CSMD3: variants seen among roughly 807,000 people sequenced by gnomAD.
CSMD3 encodes CUB and Sushi multiple domains 3, also known as CUB and sushi domain-containing protein 3.
Under a neutral mutation model 435.2 loss-of-function variants are expected in CSMD3, and 177 were observed. The ratio of observed to expected loss-of-function variants is 0.41; its 90% CI spans 0.36 to 0.46. The LOEUF is 0.46. Ranked by LOEUF, CSMD3 falls within the 20% of genes least tolerant of loss-of-function variation. The probability of loss-of-function intolerance (pLI) is 0.34; values close to 1 mark genes in which losing one functional copy is unlikely to be tolerated. For synonymous variants in CSMD3, 1,656 were observed against 1,520.5 expected, an observed-to-expected ratio of 1.09 and a Z score of -2.07; for missense variants, 4,265 against 4,504.6, an observed-to-expected ratio of 0.95 and a Z score of 1.52.
In CSMD3 at chr8:113,139,116, C is replaced by G. The variant is rs114110462; in HGVS notation, c.709+34606G>C. Among the ~76,000 whole-genome samples, 721 of 150,660 alleles carry G rather than the reference C, an allele frequency of 4.8e-3. 7 individuals are homozygous for G. Among genetic ancestry groups the G allele is most frequent in the African/African-American group, 0.016 (674 of 41,334 alleles). ...AACAAAAAAAATCACACAATCTGAA[C>G]AGAGAAATAACTAGACTGAAATACA... On this transcript the variant is annotated intron_variant, in intron 4 of 70. Coordinates refer to ENST00000297405, the MANE Select transcript of CSMD3 (RefSeq NM_198123.2).
At chr8:112,388,558 A>G (rs2129679943) in intron 36 of CSMD3, among the ~76,000 whole-genome samples, 1 of 152,254 alleles carries the variant, frequency 6.6e-6, no homozygotes, top group African/African-American at 2.4e-5. Context: ...GAGAAAGAGA[A>G]CACTGAGAAA....
At chr8:113,399,019 G>A (rs113961800) in intron 1 of CSMD3, among the ~76,000 whole-genome samples, 11 of 144,750 alleles carry the variant, frequency 7.6e-5, no homozygotes, top group African/African-American at 2.8e-4. Context: ...AAAGGAGGAA[G>A]TTTTGCATCA....
At chr8:112,973,751 T>G (rs1029347543) in intron 7 of CSMD3, among the ~76,000 whole-genome samples, 2 of 151,804 alleles carry the variant, frequency 1.3e-5, no homozygotes, top group Non-Finnish European at 3.0e-5. Flanking sequence ...TTTTTGCCCA[T>G]AATATTAAGA....
intron 60 of CSMD3, 58 bp from the exon 61 acceptor site, chr8:112,263,870 A>T: frequency 2.8e-6 from 4 of 1,406,462 alleles, no homozygotes; most frequent in Non-Finnish European, 4.0e-6. Context: ...AGCCTTAAAG[A>T]TATAAATAAA....
intron 10 of CSMD3, among the ~76,000 whole-genome samples, chr8:112,915,697 T>G (rs2082552511): frequency 6.6e-6 from 1 of 151,864 alleles, no homozygotes; most frequent in Non-Finnish European, 1.5e-5. Flanking sequence ...AGAATCTAAA[T>G]TACTTTGAAG....
chr8:112,440,601 AC>A (rs1423185624), intron 32 of CSMD3, among the ~76,000 whole-genome samples: 1 of 152,054 alleles, frequency 6.6e-6, no homozygotes, highest in Non-Finnish European at 1.5e-5. Context: ...AGAGGGCTCC[AC>A]CCCTGCAGCA....
intron 10 of CSMD3, among the ~76,000 whole-genome samples, chr8:112,894,090 T>C (rs1430685702): frequency 6.6e-6 from 1 of 151,478 alleles, no homozygotes; most frequent in Non-Finnish European, 1.5e-5. Flanking sequence ...AAAGGGTTTC[T>C]GTAATATCAA....
intron 22 of CSMD3, among the ~76,000 whole-genome samples, chr8:112,628,189 T>C (rs1322898986): frequency 6.6e-6 from 1 of 152,184 alleles, no homozygotes; most frequent in Non-Finnish European, 1.5e-5. Context: ...TTTTAACTCA[T>C]TGAAAAAGTT....
chr8:113,079,290 A>C (rs1588029101), intron 5 of CSMD3, among the ~76,000 whole-genome samples: 1 of 152,286 alleles, frequency 6.6e-6, no homozygotes, highest in Non-Finnish European at 1.5e-5. Flanking sequence ...AGCAAATTCT[A>C]AGATTGGCAA....
At chr8:113,135,959 T>C (rs934200929) in intron 4 of CSMD3, among the ~76,000 whole-genome samples, 21 of 151,892 alleles carry the variant, frequency 1.4e-4, no homozygotes, top group African/African-American at 3.1e-4. Context: ...AATTCATTCA[T>C]CTAACAGTAT....
At chr8:112,633,804 G>T (rs916732432) in intron 22 of CSMD3, among the ~76,000 whole-genome samples, 2 of 151,900 alleles carry the variant, frequency 1.3e-5, no homozygotes, top group African/African-American at 4.8e-5. Flanking sequence ...TCCAGAATCA[G>T]ATGCCTTATA....
intron 3 of CSMD3, among the ~76,000 whole-genome samples, chr8:113,182,147 A>G (rs898518876): frequency 6.6e-6 from 1 of 152,074 alleles, no homozygotes; most frequent in Non-Finnish European, 1.5e-5. Context: ...AAAATAAGAC[A>G]TACATGGTAA....
chr8:113,383,456 A>T (rs2094426015), intron 1 of CSMD3, among the ~76,000 whole-genome samples: 1 of 152,170 alleles, frequency 6.6e-6, no homozygotes, highest in Non-Finnish European at 1.5e-5. Flanking sequence ...AGAGATGCAC[A>T]TTTGAAAAAG....
intron 3 of CSMD3, among the ~76,000 whole-genome samples, chr8:113,188,707 A>G (rs1356668263): frequency 6.6e-6 from 1 of 151,954 alleles, no homozygotes; most frequent in Non-Finnish European, 1.5e-5. Context: ...ACATTAGACA[A>G]TGAAATATAG....
chr8:113,104,663 C>T (rs1386575715), intron 4 of CSMD3, among the ~76,000 whole-genome samples: 1 of 151,988 alleles, frequency 6.6e-6, no homozygotes, highest in East Asian at 1.9e-4. Context: ...ATGAAGAAAA[C>T]AAAAGTGCAT....
intron 10 of CSMD3, among the ~76,000 whole-genome samples, chr8:112,874,557 A>G (rs182214762): frequency 6.6e-6 from 1 of 152,240 alleles, no homozygotes; most frequent in African/African-American, 2.4e-5. Context: ...AGGGTCTCTA[A>G]GAACTTGTTT....
chr8:113,332,879 T>G (rs2132784123), intron 1 of CSMD3, among the ~76,000 whole-genome samples: 1 of 151,796 alleles, frequency 6.6e-6, no homozygotes, highest in African/African-American at 2.4e-5. Flanking sequence ...TTAAAGTGTA[T>G]TTCAAAGCTA....
intron 39 of CSMD3, 76 bp from the exon 40 acceptor site, chr8:112,351,320 T>G: frequency 1.0e-6 from 1 of 963,746 alleles, no homozygotes. Context: ...TCAATTATTA[T>G]TATAAAAACA....
intron 1 of CSMD3, among the ~76,000 whole-genome samples, chr8:113,406,058 A>G (rs1228013549): frequency 6.6e-6 from 1 of 151,888 alleles, no homozygotes; most frequent in Non-Finnish European, 1.5e-5. Context: ...CAGAAGCTGT[A>G]TATGACAAAA....
Sources: allele counts gnomAD v4.1 joint callset (sites outside exome capture counted in the v4.1 genomes callset), GRCh38; gene constraint gnomAD v4.1.1; transcripts MANE v1.5; gene names NCBI Gene and HGNC (gene_info 2026-07-23, HGNC 2026-07-21).